Variants in IQCM observed in about 807,000 individuals in gnomAD.
IQCM encodes the protein IQ motif containing M.
IQCM carries 45 observed loss-of-function variants against 57.6 expected under a neutral mutation model. The observed-to-expected ratio is 0.78, with a 90% CI of 0.62 to 1.00. The LOEUF is 1.00. Ranked by LOEUF, IQCM falls within the 50% of genes least tolerant of loss-of-function variation. The pLI, the probability that IQCM is intolerant of heterozygous loss-of-function variation, is 0.00. For missense variants in IQCM, 468 were observed against 511.6 expected (o/e 0.91, Z 0.82); for synonymous variants, 148 against 158.9 (o/e 0.93, Z 0.51).
chr4:149,382,167 A>G (rs1196671416), intron 13 of IQCM, among the ~76,000 whole-genome samples: 3 of 152,132 alleles, frequency 2.0e-5, no homozygotes, highest in African/African-American at 7.2e-5. Context: ...GACTATTGAG[A>G]TCATAGCTGT....
chr4:149,566,497 C>T (rs999384889), intron 9 of IQCM, among the ~76,000 whole-genome samples: 4 of 150,806 alleles, frequency 2.7e-5, no homozygotes, highest in African/African-American at 2.4e-5. Flanking sequence ...TGTGTGTGTG[C>T]GTGTGTGTAC....
intron 13 of IQCM, among the ~76,000 whole-genome samples, chr4:149,404,793 G>A (rs1168072421): frequency 6.6e-6 from 1 of 151,928 alleles, no homozygotes; most frequent in Admixed American, 6.6e-5. Context: ...CAAATATAAG[G>A]CTTTTTATAG....
chr4:149,588,286 T>C (rs1473818161), intron 8 of IQCM, among the ~76,000 whole-genome samples: 4 of 151,894 alleles, frequency 2.6e-5, no homozygotes, highest in African/African-American at 7.2e-5. Context: ...TATTTATTTA[T>C]TTGTCCTCTG....
chr4:149,566,723 A>T (rs1750668372), intron 9 of IQCM, among the ~76,000 whole-genome samples: 1 of 152,198 alleles, frequency 6.6e-6, no homozygotes, highest in Non-Finnish European at 1.5e-5. Context: ...AAAAGAAATG[A>T]ATTTTATCTT....
chr4:149,513,388 AC>A (rs1289945380), intron 12 of IQCM, among the ~76,000 whole-genome samples: 1 of 152,140 alleles, frequency 6.6e-6, no homozygotes, highest in Non-Finnish European at 1.5e-5. Flanking sequence ...AATATACAAA[AC>A]TAATATTCCC....
Position 149,548,549 on chromosome 4 carries a change from T to A in IQCM, c.1134A>T (p.Lys378Asn). Residue 378 changes from lysine (K) to asparagine (N), a missense_variant, in exon 12 of 14, where the codon AAA becomes AAT. Lys to Asn is a moderately conservative substitution (Grantham distance 94, BLOSUM62 0). Transcript: ENST00000636793. ...AATTGGGGAGCTCATTTCTTTCAAT[T>A]TTTGGCCAATCTTCCCTCTTAGCAA... ...IMFAKREDWPKIERNELPNFF... is the reference protein window; with the variant it reads ...IMFAKREDWPNIERNELPNFF... 1 of 1,230,898 alleles carries A rather than the reference T, an allele frequency of 8.1e-7. No individual in the cohort carries two copies. Among genetic ancestry groups the A allele is most frequent in the Non-Finnish European group, 1.0e-6 (1 of 986,898 alleles). 76.2% of individuals were successfully genotyped at this position (1,230,898 alleles called of 1,614,324 possible). A position where few individuals can be genotyped will look rare whatever the true frequency, so the allele number is the denominator to read the frequency against.
chr4:149,544,531 T>C (rs1748184943), intron 12 of IQCM, among the ~76,000 whole-genome samples: 1 of 152,176 alleles, frequency 6.6e-6, no homozygotes, highest in African/African-American at 2.4e-5. Context: ...TCCGATGGCA[T>C]TTTATAAAAA....
intron 12 of IQCM, among the ~76,000 whole-genome samples, chr4:149,437,353 A>G (rs1266440489): frequency 1.3e-5 from 2 of 152,080 alleles, no homozygotes; most frequent in Non-Finnish European, 2.9e-5. Flanking sequence ...TCTCCACAAA[A>G]ATTTATTTTG....
At chr4:149,507,526 C>T (rs1743949621) in intron 12 of IQCM, among the ~76,000 whole-genome samples, 1 of 152,182 alleles carries the variant, frequency 6.6e-6, no homozygotes, top group Admixed American at 6.5e-5. Context: ...AGCAAAGAGA[C>T]TGGTGGCATT....
intron 13 of IQCM, among the ~76,000 whole-genome samples, chr4:149,397,655 G>T (rs1732324407): frequency 6.6e-6 from 1 of 151,990 alleles, no homozygotes; most frequent in African/African-American, 2.4e-5. Context: ...GTCTCAGGCT[G>T]TTCTTTATAG....
intron 13 of IQCM, among the ~76,000 whole-genome samples, chr4:149,386,099 T>C (rs1016532345): frequency 1.4e-4 from 22 of 152,062 alleles, no homozygotes; most frequent in Non-Finnish European, 3.2e-4. Context: ...CCTACATAAA[T>C]GTATTGGTTA....
rs555114957 is a variant in IQCM at position 149,723,949 on chromosome 4, T to A, written c.385+9295A>T. Among the ~76,000 whole-genome samples the A allele has an allele frequency of 3.3e-5, 5 of 152,066 alleles. No homozygotes were observed. The East Asian group carries it at 5.8e-4, about 18-fold the overall frequency. Reference sequence around the variant, plus strand: ...TTTTTCCTTCCTGGGAGATTTTTTTTAAATTACTGATTAAATTTCATTGCT... The same window carrying A: ...TTTTTCCTTCCTGGGAGATTTTTTTAAAATTACTGATTAAATTTCATTGCT... On this transcript the variant is annotated intron_variant, in intron 5 of 13. Coordinates refer to ENST00000636793, the MANE Select transcript of IQCM (RefSeq NM_001363507.2).
At chr4:149,545,101 T>C (rs1041542623) in intron 12 of IQCM, among the ~76,000 whole-genome samples, 4 of 151,912 alleles carry the variant, frequency 2.6e-5, no homozygotes, top group African/African-American at 4.8e-5. Context: ...ACTTGGGAGG[T>C]TGAAGCAGGA....
intron 12 of IQCM, among the ~76,000 whole-genome samples, chr4:149,512,516 T>C (rs1440158031): frequency 6.6e-6 from 1 of 152,226 alleles, no homozygotes; most frequent in Non-Finnish European, 1.5e-5. Flanking sequence ...TGACATTTTA[T>C]ATTAGGTTTA....
intron 10 of IQCM, among the ~76,000 whole-genome samples, chr4:149,561,315 A>G (rs1261472062): frequency 6.6e-6 from 1 of 152,068 alleles, no homozygotes; most frequent in Non-Finnish European, 1.5e-5. Context: ...TTTGTGCCAG[A>G]GGTTATGAAT....
intron 13 of IQCM, chr4:149,430,003 C>T: frequency 8.1e-7 from 1 of 1,228,918 alleles, no homozygotes; most frequent in Non-Finnish European, 1.0e-6. Context: ...AGATATAGGT[C>T]ACCTTCTGAT....
chr4:149,493,664 T>G (rs1251599669), intron 12 of IQCM, among the ~76,000 whole-genome samples: 1 of 152,060 alleles, frequency 6.6e-6, no homozygotes, highest in East Asian at 1.9e-4. Context: ...AATCAGTACT[T>G]TTACCCTTAG....
At chr4:149,400,627 G>T (rs1006448658) in intron 13 of IQCM, among the ~76,000 whole-genome samples, 1 of 151,872 alleles carries the variant, frequency 6.6e-6, no homozygotes, top group Non-Finnish European at 1.5e-5. Context: ...CGAATGACAG[G>T]TTAATACCAC....
chr4:149,595,709 A>G (rs1753711285), intron 8 of IQCM, among the ~76,000 whole-genome samples: 1 of 152,030 alleles, frequency 6.6e-6, no homozygotes. Flanking sequence ...TCTTTCTGAG[A>G]TTTTTCACAA....
Sources: allele counts gnomAD v4.1 joint callset (sites outside exome capture counted in the v4.1 genomes callset), GRCh38; gene constraint gnomAD v4.1.1; transcripts MANE v1.5; gene names NCBI Gene and HGNC (gene_info 2026-07-23, HGNC 2026-07-21).